RPRD1B: variants seen among roughly 807,000 people sequenced by gnomAD.
RPRD1B encodes regulation of nuclear pre-mRNA domain-containing protein 1B.
A neutral mutation model predicts 41.5 loss-of-function variants in RPRD1B; 11 were observed. The ratio of observed to expected loss-of-function variants is 0.27; its 90% CI spans 0.17 to 0.44. RPRD1B has a LOEUF of 0.44. Among genes scored for constraint, RPRD1B ranks in the 20% least tolerant of loss-of-function variants. RPRD1B has a pLI of 1.00. For synonymous variants in RPRD1B, 158 were observed against 155.6 expected (o/e 1.02, Z -0.12); for missense variants, 248 against 389.9 (o/e 0.64, Z 3.06).
chr20:38,036,315 G>A (rs1278338804), intron 1 of RPRD1B, among the ~76,000 whole-genome samples: 1 of 152,180 alleles, frequency 6.6e-6, no homozygotes, highest in Non-Finnish European at 1.5e-5. Flanking sequence ...GCTGCCTGAT[G>A]CCAAAATGTG....
intron 6 of RPRD1B, among the ~76,000 whole-genome samples, chr20:38,076,395 C>G (rs1288220259): frequency 1.3e-5 from 2 of 152,228 alleles, no homozygotes; most frequent in African/African-American, 4.8e-5. Context: ...TCACATGGGA[C>G]CTTTAGGGCC....
At chr20:38,071,328 G>A (rs1568658319) in intron 6 of RPRD1B, among the ~76,000 whole-genome samples, 3 of 152,150 alleles carry the variant, frequency 2.0e-5, no homozygotes, top group Admixed American at 6.5e-5. Flanking sequence ...GGCTTCTTTC[G>A]GCACGATGTT....
At chr20:38,086,510 T>C (rs1332221900) in intron 6 of RPRD1B, among the ~76,000 whole-genome samples, 2 of 152,326 alleles carry the variant, frequency 1.3e-5, no homozygotes, top group East Asian at 1.9e-4. Context: ...TTTGTGTTTT[T>C]CATTTTTTTG....
rs1239035447 is a variant in RPRD1B, at chr20:38,033,779, G to A, written c.-169G>A. 3.3e-6 allele frequency: 2 copies of A among 613,334 alleles called. No homozygotes were observed. Among genetic ancestry groups the A allele is most frequent in the East Asian group, 3.1e-5 (1 of 32,190 alleles). The allele number at this position is 613,334 out of a possible 1,614,324, so 38.0% of individuals were successfully genotyped here. On this transcript the variant is annotated 5_prime_UTR_variant, in exon 1 of 7. Coordinates refer to ENST00000373433, the MANE Select transcript of RPRD1B (RefSeq NM_021215.4). ...GCCATCTTGTGGCGGCGGCGCGGGC[G>A]GCTGTTACTGCGGAGACCCATCCCC...
At chr20:38,045,401 A>T (rs1220305207) in intron 2 of RPRD1B, among the ~76,000 whole-genome samples, 5 of 152,214 alleles carry the variant, frequency 3.3e-5, no homozygotes, top group African/African-American at 1.2e-4. Context: ...TTCAAAACCT[A>T]ATCAGTAGAA....
At chr20:38,064,855 G>A (rs972729822) in intron 5 of RPRD1B, among the ~76,000 whole-genome samples, 8 of 152,102 alleles carry the variant, frequency 5.3e-5, no homozygotes, top group Admixed American at 1.3e-4. Flanking sequence ...GCGTGGTGGC[G>A]GGGGCCTGTA....
At chr20:38,089,695 T>TA (rs1481648194) in intron 6 of RPRD1B, 31 bp from the exon 7 acceptor site, 1 of 1,595,204 alleles carries the variant, frequency 6.3e-7, no homozygotes, top group African/African-American at 1.3e-5. Context: ...CGCACAGACT[T>TA]AACGGTATTG....
At chr20:38,071,003 A>G (rs1322020494) in intron 6 of RPRD1B, among the ~76,000 whole-genome samples, 3 of 152,168 alleles carry the variant, frequency 2.0e-5, no homozygotes, top group Admixed American at 1.3e-4. Context: ...AAGTGTTGGA[A>G]TTACAGGCAT....
chr20:38,091,152 A>G lies in RPRD1B; in HGVS notation c.*1277A>G. ...GGCAGGCTTATTTTTGACATTGGAA[A>G]GGGCAGAAAGCGATTTGCCCCAGTA... is the stretch of plus-strand genomic sequence containing the variant. On this transcript the variant is annotated 3_prime_UTR_variant, in exon 7 of 7. Coordinates refer to ENST00000373433, the MANE Select transcript of RPRD1B (RefSeq NM_021215.4). 2.0e-6 allele frequency: 2 copies of G among 985,850 alleles called. No homozygotes were observed. Among genetic ancestry groups the G allele is most frequent in the Non-Finnish European group, 2.4e-6 (2 of 829,922 alleles). The allele number at this position is 985,850 out of a possible 1,614,324, so 61.1% of individuals were successfully genotyped here. A position where few individuals can be genotyped will look rare whatever the true frequency, so the allele number is the denominator to read the frequency against.
chr20:38,073,988 C>T (rs189745413), intron 6 of RPRD1B, among the ~76,000 whole-genome samples: 3 of 152,302 alleles, frequency 2.0e-5, no homozygotes, highest in African/African-American at 7.2e-5. Context: ...AGGCTGGCAG[C>T]TCTGTCAGCA....
In RPRD1B at chr20:38,090,303, A is replaced by C. The variant is rs978003022; in HGVS notation, c.*428A>C. ...TTGTTCAAGTTCGGTGTGGGCTTCC[A>C]CTAAGGCACTTGTCCTGGAGACGTT... On this transcript the variant is annotated 3_prime_UTR_variant, in exon 7 of 7. Transcript: ENST00000373433. 107 of 987,788 alleles carry C rather than the reference A, an allele frequency of 1.1e-4. 1 individual carries two copies. The highest frequency in any genetic ancestry group is 1.2e-4 in the Non-Finnish European group (97 of 831,338). The allele number at this position is 987,788 out of a possible 1,614,324, so 61.2% of individuals were successfully genotyped here. A position where few individuals can be genotyped will look rare whatever the true frequency, so the allele number is the denominator to read the frequency against.
In RPRD1B at chr20:38,090,548, G is replaced by A; in HGVS notation, c.*673G>A. ...CACAGTTCAGAGACAGAATAACAGG[G>A]ATCACAAGCATGAATTAAAAGGAAT... is the stretch of plus-strand genomic sequence containing the variant. On this transcript the variant is annotated 3_prime_UTR_variant, in exon 7 of 7. Transcript: ENST00000373433. 1 of 985,882 alleles carries A rather than the reference G, an allele frequency of 1.0e-6. No individual in the cohort carries two copies. The highest frequency in any genetic ancestry group is 1.2e-6 in the Non-Finnish European group (1 of 829,946). The allele number at this position is 985,882 out of a possible 1,614,324, so 61.1% of individuals were successfully genotyped here.
intron 6 of RPRD1B, among the ~76,000 whole-genome samples, chr20:38,086,146 A>G (rs1308760460): frequency 1.3e-5 from 2 of 152,132 alleles, no homozygotes; most frequent in African/African-American, 2.4e-5. Context: ...CTGTTGGTCC[A>G]TGGCAAGGTT....
chr20:38,045,091 T>C (rs2074107885), intron 2 of RPRD1B, among the ~76,000 whole-genome samples: 1 of 152,220 alleles, frequency 6.6e-6, no homozygotes, highest in Admixed American at 6.5e-5. Flanking sequence ...CTCTTAAAGG[T>C]CAGTTTTGCT....
intron 2 of RPRD1B, among the ~76,000 whole-genome samples, chr20:38,045,488 T>TA (rs1362322141): frequency 6.6e-6 from 1 of 152,242 alleles, no homozygotes; most frequent in Non-Finnish European, 1.5e-5. Flanking sequence ...TTCAAGGAAA[T>TA]ATCTGTCCTG....
At chr20:38,052,757 T>G (rs1009235862) in intron 3 of RPRD1B, among the ~76,000 whole-genome samples, 2 of 146,430 alleles carry the variant, frequency 1.4e-5, no homozygotes, top group Non-Finnish European at 3.0e-5. Context: ...GCGGTGTTTT[T>G]TTTTTTTTTT....
At chr20:38,062,973 T>C (rs550036451) in intron 5 of RPRD1B, among the ~76,000 whole-genome samples, 95 of 151,956 alleles carry the variant, frequency 6.3e-4, no homozygotes, top group African/African-American at 2.2e-3. Flanking sequence ...ACACTGGGAT[T>C]ACAGATGTGA....
At chr20:38,082,542 C>T (rs1443288204) in intron 6 of RPRD1B, among the ~76,000 whole-genome samples, 2 of 152,254 alleles carry the variant, frequency 1.3e-5, no homozygotes, top group East Asian at 3.9e-4. Context: ...CACCTGCTAC[C>T]ATGCCTGGCT....
At chr20:38,043,605 A>C (rs1192189164) in intron 2 of RPRD1B, among the ~76,000 whole-genome samples, 1 of 152,180 alleles carries the variant, frequency 6.6e-6, no homozygotes, top group Non-Finnish European at 1.5e-5. Context: ...GCTAGAGGTG[A>C]CATTGCCTAG....
Sources: gnomAD v4.1 joint callset for allele counts (sites outside exome capture counted in the v4.1 genomes callset) on GRCh38, gnomAD v4.1.1 for gene constraint, MANE v1.5 for transcripts, NCBI Gene and HGNC (gene_info 2026-07-23, HGNC 2026-07-21) for gene names.